Variants in SLC25A46 observed in about 807,000 individuals in gnomAD.
SLC25A46 encodes solute carrier family 25 member 46.
A neutral mutation model predicts 44.6 loss-of-function variants in SLC25A46; 39 were observed. That is an observed-to-expected ratio of 0.87 (90% CI 0.68 to 1.14). The LOEUF (loss-of-function observed/expected upper bound fraction) is 1.14. Among genes scored for constraint, SLC25A46 ranks in the 50% most tolerant of loss-of-function variants. The probability of loss-of-function intolerance (pLI) is 0.00; values close to 1 mark genes in which losing one functional copy is unlikely to be tolerated. For synonymous variants in SLC25A46, 202 were observed against 185.8 expected (o/e 1.09, Z -0.71); for missense variants, 547 against 522.7 (o/e 1.05, Z -0.45).
chr5:110,746,646 A>C (rs1344451915), intron 4 of SLC25A46, among the ~76,000 whole-genome samples: 1 of 152,216 alleles, frequency 6.6e-6, no homozygotes, highest in East Asian at 1.9e-4. Context: ...AGATAAAGGC[A>C]ATATTAGAAG....
chr5:110,756,807 T>C (rs779190066), intron 7 of SLC25A46, 48 bp downstream of exon 7: 1 of 1,361,238 alleles, frequency 7.3e-7, no homozygotes, highest in East Asian at 2.4e-5. Context: ...GAATAGTTTT[T>C]TGACTATTCA....
intron 3 of SLC25A46, 51 bp downstream of exon 3, chr5:110,743,838 G>T: frequency 7.3e-7 from 1 of 1,365,976 alleles, no homozygotes; most frequent in Non-Finnish European, 1.0e-6. Flanking sequence ...ACCCTAATAT[G>T]AAGGGCAGAA....
chr5:110,754,721 C>G (rs1409132748), intron 5 of SLC25A46: 1 of 152,042 alleles, frequency 6.6e-6, no homozygotes, highest in East Asian at 1.9e-4. Context: ...GTGACAATAT[C>G]TGCTCTGCTT....
rs759534592 is a variant in SLC25A46, at chr5:110,761,490, C to A, written c.965C>A (p.Ala322Asp). 38 of 1,613,704 alleles carry A rather than the reference C, an allele frequency of 2.4e-5. No individual in the cohort carries two copies. The highest frequency in any genetic ancestry group is 3.1e-5 in the Non-Finnish European group (36 of 1,179,830). The change falls in exon 8 of 8, where the codon GCT (alanine) becomes GAT (aspartate). Residue 322 changes from alanine (A) to aspartate (D), a missense_variant. Coordinates refer to ENST00000355943, the MANE Select transcript of SLC25A46 (RefSeq NM_138773.4). The surrounding 1 kb of genome is among the most constrained non-coding windows in gnomAD (Gnocchi z 5.3). Reference sequence around the variant, plus strand: ...TTTCCAGAACTTATTGCTAACTTTGCTGCCAGTCTTTGTTCTGACGTTATA... The same window carrying A: ...TTTCCAGAACTTATTGCTAACTTTGATGCCAGTCTTTGTTCTGACGTTATA... ...AYFPELIANF[A>D]ASLCSDVILY...
rs1800351631 is a variant in SLC25A46 at position 110,764,877 on chromosome 5, G to A, written c.*3095G>A. 6.6e-6 allele frequency: 1 copy of A among 151,790 alleles called. No individual in the cohort carries two copies. The allele number at this position is 151,790 out of a possible 1,614,324, so 9.4% of individuals were successfully genotyped here. ...CTAGAATTTGAATGATACTGTTGTTGGCATTTCTGTTTCTCTTTCAAGTAG... is the reference window on the plus strand; with the variant it reads ...CTAGAATTTGAATGATACTGTTGTTAGCATTTCTGTTTCTCTTTCAAGTAG... On this transcript the variant is annotated 3_prime_UTR_variant, in exon 8 of 8. Transcript: ENST00000355943.
chr5:110,753,018 G>A (rs1800007015), intron 5 of SLC25A46, among the ~76,000 whole-genome samples: 1 of 152,170 alleles, frequency 6.6e-6, no homozygotes, highest in Non-Finnish European at 1.5e-5. Flanking sequence ...GAATGGGCTA[G>A]TGGAGCACAG....
rs1380731994 is a variant in SLC25A46 at position 110,764,445 on chromosome 5, A to T, written c.*2663A>T. 6.6e-6 allele frequency: 1 copy of T among 151,928 alleles called. No individual in the cohort carries two copies. The highest frequency in any genetic ancestry group is 1.5e-5 in the Non-Finnish European group (1 of 67,896). The allele number at this position is 151,928 out of a possible 1,614,324, so 9.4% of individuals were successfully genotyped here. ...CTAGATGTCATAAATATGAAATAGT[A>T]AAAACAAGGTCACTTGAAAATGGGT... is the stretch of plus-strand genomic sequence containing the variant. On this transcript the variant is annotated 3_prime_UTR_variant, in exon 8 of 8. Transcript: ENST00000355943.
At position 110,755,377 on chromosome 5, in the gene SLC25A46, G is replaced by C. The variant is rs1800083297; in HGVS notation, c.564-88G>C. 3.9e-6 allele frequency: 3 copies of C among 768,586 alleles called. No homozygotes were observed. The East Asian group carries it at 8.0e-5, about 21-fold the overall frequency. The allele number at this position is 768,586 out of a possible 1,614,324, so 47.6% of individuals were successfully genotyped here. On this transcript the variant is annotated intron_variant, in intron 5 of 7. Coordinates refer to ENST00000355943, the MANE Select transcript of SLC25A46 (RefSeq NM_138773.4). ...TCCTACAGATTGAAAAAAATTAGAA[G>C]TTGATTACTGTTTTGAAAATTGGGC...
In SLC25A46 at chr5:110,762,982, G is replaced by C. The variant is rs932679060; in HGVS notation, c.*1200G>C. 32 of 151,806 alleles carry C rather than the reference G, an allele frequency of 2.1e-4. No individual in the cohort carries two copies. The highest frequency in any genetic ancestry group is 3.4e-4 in the Non-Finnish European group (23 of 67,856). The allele number at this position is 151,806 out of a possible 1,614,324, so 9.4% of individuals were successfully genotyped here. A position where few individuals can be genotyped will look rare whatever the true frequency, so the allele number is the denominator to read the frequency against. The stretch of plus-strand genomic sequence containing the variant: ...CAAACCTTAAAGGAAATGTGCCCTT[G>C]TATTTTATGGGTGAGGGGAAAAAGT... On this transcript the variant is annotated 3_prime_UTR_variant, in exon 8 of 8. Transcript: ENST00000355943.
At chr5:110,755,325 A>G in intron 5 of SLC25A46, 140 bp from the exon 6 acceptor site, 3 of 582,534 alleles carry the variant, frequency 5.1e-6, no homozygotes, top group Non-Finnish European at 3.0e-6. Context: ...TCTAGAAAAG[A>G]AAATGTTCAC....
intron 5 of SLC25A46, 24 bp from the exon 6 acceptor site, chr5:110,755,441 T>C (rs372462190): frequency 3.5e-5 from 51 of 1,441,574 alleles, no homozygotes; most frequent in Non-Finnish European, 4.6e-5. Flanking sequence ...TTTTGTTTTA[T>C]TTAAGTTTAT....
chr5:110,739,527 AC>A, intron 1 of SLC25A46, 125 bp downstream of exon 1: 1 of 1,329,092 alleles, frequency 7.5e-7, no homozygotes, highest in Non-Finnish European at 1.0e-6. Flanking sequence ...CGCGCGCCAC[AC>A]CCTTTGCCCT....
chr5:110,738,367 C>A, upstream of SLC25A46: 1 of 644,022 alleles, frequency 1.6e-6, no homozygotes, highest in Non-Finnish European at 2.0e-6. Context: ...AAAAATACGA[C>A]AGAAAACTAT....
Position 110,743,762 on chromosome 5 carries a change from G to A in SLC25A46, c.359G>A (p.Cys120Tyr), listed in dbSNP as rs772344091. The A allele has an allele frequency of 1.2e-6, 2 of 1,605,864 alleles. No individual in the cohort carries two copies. The highest frequency in any genetic ancestry group is 2.2e-5 in the East Asian group (1 of 44,558). The change falls in exon 3 of 8, where the codon TGC becomes TAC. Residue 120 changes from cysteine (C) to tyrosine (Y), a missense_variant. Transcript: ENST00000355943. Reference sequence around the variant, plus strand: ...ACAGAAAATGTATTGGCACATCCTTGCATTGTTCTACGCCGCCAATGTCAG... The same window carrying A: ...ACAGAAAATGTATTGGCACATCCTTACATTGTTCTACGCCGCCAATGTCAG... ...LFTENVLAHPCIVLRRQCQVN... is the reference protein window; with the variant it reads ...LFTENVLAHPYIVLRRQCQVN...
At chr5:110,741,244 A>T (rs1040378186) in intron 1 of SLC25A46, among the ~76,000 whole-genome samples, 4 of 152,212 alleles carry the variant, frequency 2.6e-5, no homozygotes, top group African/African-American at 9.7e-5. Flanking sequence ...TCAAGAAGAA[A>T]GGCTTTTCTC....
At chr5:110,743,926 T>C in intron 3 of SLC25A46, 139 bp downstream of exon 3, 2 of 535,192 alleles carry the variant, frequency 3.7e-6, no homozygotes, top group East Asian at 6.4e-5. Context: ...AAAACCTCTT[T>C]AAAGTCTTAA....
At chr5:110,753,987 A>AT (rs1800038214) in intron 5 of SLC25A46, 1 of 151,574 alleles carries the variant, frequency 6.6e-6, no homozygotes, top group Non-Finnish European at 1.5e-5. Context: ...GGCCTAATCT[A>AT]TTTTTTATAT....
chr5:110,751,501 G>T (rs1799968132), intron 5 of SLC25A46, among the ~76,000 whole-genome samples: 1 of 152,144 alleles, frequency 6.6e-6, no homozygotes, highest in Admixed American at 6.5e-5. Flanking sequence ...CTGGCCAAGG[G>T]TAAGGGTACA....
chr5:110,746,387 T>A, intron 4 of SLC25A46, 41 bp downstream of exon 4: 1 of 1,371,158 alleles, frequency 7.3e-7, no homozygotes, highest in Non-Finnish European at 1.0e-6. Flanking sequence ...TTTATATAAG[T>A]GTCATTTGGG....
Sources: allele counts gnomAD v4.1 joint callset (sites outside exome capture counted in the v4.1 genomes callset), GRCh38; gene constraint gnomAD v4.1.1; non-coding constraint Gnocchi (gnomAD v3.1); transcripts MANE v1.5; gene names NCBI Gene and HGNC (gene_info 2026-07-23, HGNC 2026-07-21).